The following SERPINB3 variants were observed in gnomAD, a reference collection of about 807,000 sequenced individuals.
The protein encoded by SERPINB3 is serpin B3.
In SERPINB3, 33 loss-of-function variants were observed where a neutral mutation model predicts 33.0. The observed-to-expected ratio is 1.00, with a 90% CI of 0.76 to 1.34. The LOEUF (loss-of-function observed/expected upper bound fraction) is 1.34. Among genes scored for constraint, SERPINB3 ranks in the 40% most tolerant of loss-of-function variants. The probability of loss-of-function intolerance (pLI) is 0.00; values close to 1 mark genes in which losing one functional copy is unlikely to be tolerated. For synonymous variants in SERPINB3, 200 were observed against 170.9 expected (o/e 1.17, Z -1.33); for missense variants, 518 against 461.5 (o/e 1.12, Z -1.12).
chr18:63,657,031 G>C, intron 6 of SERPINB3, 45 bp from the exon 7 acceptor site: 1 of 1,502,554 alleles, frequency 6.7e-7, no homozygotes, highest in Non-Finnish European at 9.1e-7. Context: ...TGAGACACAA[G>C]GCAAAAAGAT....
At position 63,656,891 on chromosome 18, in the gene SERPINB3, G is replaced by C. The variant is rs760152632; in HGVS notation, c.708C>G (p.Tyr236Ter). The C allele has an allele frequency of 6.2e-6, 10 of 1,613,514 alleles. No individual in the cohort carries two copies. In the East Asian group the frequency reaches 1.1e-4, roughly 18 times the overall value. The change falls in exon 7 of 8, where the codon TAC becomes TAG. Residue 236 changes from tyrosine (Y) to a stop codon, truncating the protein, a stop_gained. Coordinates refer to ENST00000283752, the MANE Select transcript of SERPINB3 (RefSeq NM_006919.3). LOFTEE classifies it high-confidence loss of function. Reference protein sequence around the residue: ...DVQAKVLEIPYKGKDLSMIVL... With the variant: ...DVQAKVLEIP Reference sequence around the variant, plus strand: ...CAATCATGCTTAGATCTTTGCCTTTGTATGGTATTTCCAGGACCTTGGCCT... The same window carrying C: ...CAATCATGCTTAGATCTTTGCCTTTCTATGGTATTTCCAGGACCTTGGCCT...
chr18:63,658,103 T>A (rs1366602105), intron 5 of SERPINB3, among the ~76,000 whole-genome samples: 3 of 152,086 alleles, frequency 2.0e-5, no homozygotes. Flanking sequence ...AAAGGGTGAT[T>A]TACCAGAGAG....
chr18:63,656,977 T>G lies in SERPINB3; in HGVS notation c.622A>C (p.Lys208Gln). 6.2e-7 allele frequency: 1 copy of G among 1,605,600 alleles called. No individual in the cohort carries two copies. The highest frequency in any genetic ancestry group is 8.5e-7 in the Non-Finnish European group (1 of 1,174,636). The change falls in exon 7 of 8, where the codon AAG (lysine) becomes CAG (glutamine). Residue 208 changes from lysine to glutamine, a missense_variant. Physicochemically the swap from Lys to Gln is moderately conservative, Grantham distance 53 (BLOSUM62 1). Coordinates refer to ENST00000283752, the MANE Select transcript of SERPINB3 (RefSeq NM_006919.3). ...TATTGCCTCATCATCTGTATGGACT[T>G]GTATGTATTCTACAATAAATCAATG... is the stretch of plus-strand genomic sequence containing the variant. ...EKFWPNKNTY[K>Q]SIQMMRQYTS...
In SERPINB3 at chr18:63,655,424, T is replaced by C. The variant is rs1913465768; in HGVS notation, c.*233A>G. 6.4e-6 allele frequency: 3 copies of C among 470,482 alleles called. No homozygotes were observed. In the South Asian group the frequency reaches 1.4e-4, roughly 22 times the overall value. 29.1% of individuals were successfully genotyped at this position (470,482 alleles called of 1,614,324 possible). ...TAAGTGATTCATCTTATTTTGGACA[T>C]TTTTCCTCAAGGAGAATTTTTCTGG... On this transcript the variant is annotated 3_prime_UTR_variant, in exon 8 of 8. Transcript: ENST00000283752.
chr18:63,658,067 T>G (rs911146147), intron 5 of SERPINB3, among the ~76,000 whole-genome samples: 1 of 152,094 alleles, frequency 6.6e-6, no homozygotes, highest in Non-Finnish European at 1.5e-5. Context: ...AGAGATGTGA[T>G]CCAGGCAGCT....
chr18:63,661,336 G>C, intron 1 of SERPINB3, 94 bp from the exon 2 acceptor site: 2 of 1,363,674 alleles, frequency 1.5e-6, no homozygotes, highest in Non-Finnish European at 2.0e-6. Flanking sequence ...TATCTGTGTT[G>C]TGAGATTTTG....
rs575948260 is a variant in SERPINB3, at chr18:63,657,264, C to A, written c.612+6G>T. ...TTACATTATATAAATAAAATATAGA[C>A]AATACCTTGTTTGGCCAAAATTTTT... On this transcript the variant is annotated splice_donor_region_variant and intron_variant, in intron 6 of 7. Coordinates refer to ENST00000283752, the MANE Select transcript of SERPINB3 (RefSeq NM_006919.3). The A allele has an allele frequency of 7.0e-7, 1 of 1,435,186 alleles. No homozygotes were observed. Among genetic ancestry groups the A allele is most frequent in the Non-Finnish European group, 9.7e-7 (1 of 1,031,234 alleles). 88.9% of individuals were successfully genotyped at this position (1,435,186 alleles called of 1,614,324 possible).
Position 63,655,873 on chromosome 18 carries a change from C to T in SERPINB3, c.957G>A (p.Gly319=). The part of the protein sequence containing the change: ...NGDADLSGMT[G]SRGLVLSGVL... ...CTCCAGATAGCACGAGACCGCGGCT[C>T]CCGGTCATGCCTGAGAGGTCTGCAT... is the stretch of plus-strand genomic sequence containing the variant. The change falls in exon 8 of 8, where the codon GGG becomes GGA. Residue 319 remains glycine (G), a synonymous_variant. Coordinates refer to ENST00000283752, the MANE Select transcript of SERPINB3 (RefSeq NM_006919.3). 2.5e-6 allele frequency: 4 copies of T among 1,613,990 alleles called. No homozygotes were observed. Among genetic ancestry groups the T allele is most frequent in the Middle Eastern group, 1.7e-4 (1 of 6,058 alleles).
At chr18:63,656,384 T>A (rs1196556051) in intron 7 of SERPINB3, among the ~76,000 whole-genome samples, 1 of 152,204 alleles carries the variant, frequency 6.6e-6, no homozygotes, top group African/African-American at 2.4e-5. Flanking sequence ...ATATCACTAT[T>A]TCTTGTGCCA....
At chr18:63,656,172 C>G (rs1468697216) in intron 7 of SERPINB3, 111 bp from the exon 8 acceptor site, 2 of 1,275,776 alleles carry the variant, frequency 1.6e-6, no homozygotes, top group Non-Finnish European at 2.1e-6. Flanking sequence ...ATGTGAAATA[C>G]AGAAGGTTCA....
chr18:63,655,778 C>T lies in SERPINB3; in HGVS notation c.1052G>A (p.Gly351Glu), dbSNP rs3180227. ...AEAAAATAVV[G>E]FGSSPTSTNE... ...AGTTGAAGTAGGTGATGATCCGAAT[C>T]CTACTACAGCGGTGGCAGCTGCAGC... Residue 351 changes from glycine to glutamate, a missense_variant, in exon 8 of 8, where the codon GGA becomes GAA. Physicochemically the swap from Gly to Glu is moderately conservative, Grantham distance 98 (BLOSUM62 -2). Transcript: ENST00000283752. 2 of 1,601,180 alleles carry T rather than the reference C, an allele frequency of 1.2e-6. No homozygotes were observed. The highest frequency in any genetic ancestry group is 1.1e-5 in the South Asian group (1 of 91,060).
rs144394860 is a variant in SERPINB3, at chr18:63,656,894, T to C, written c.705A>G (p.Pro235=). ...EDVQAKVLEI[P]YKGKDLSMIV... ...TCATGCTTAGATCTTTGCCTTTGTA[T>C]GGTATTTCCAGGACCTTGGCCTGTA... Residue 235 remains proline (P), a synonymous_variant, in exon 7 of 8, where the codon CCA becomes CCG. Coordinates refer to ENST00000283752, the MANE Select transcript of SERPINB3 (RefSeq NM_006919.3). The C allele has an allele frequency of 1.6e-4, 266 of 1,613,624 alleles. 1 individual carries two copies. The African/African-American group carries it at 3.2e-3, about 19-fold the overall frequency.
In SERPINB3 at chr18:63,656,846, G is replaced by T. The variant is rs143869105; in HGVS notation, c.753C>A (p.Ile251=). 6.2e-7 allele frequency: 1 copy of T among 1,609,802 alleles called. No individual in the cohort carries two copies. The stretch of plus-strand genomic sequence containing the variant: ...AAGTTCTTACCTTCTGGAGACCATC[G>T]ATTTCATTTGGCAGCAACACAATCA... The part of the protein sequence containing the change: ...LSMIVLLPNE[I]DGLQKLEEKL... Residue 251 remains isoleucine (I), a synonymous_variant, in exon 7 of 8, where the codon ATC becomes ATA. Coordinates refer to ENST00000283752, the MANE Select transcript of SERPINB3 (RefSeq NM_006919.3).
intron 5 of SERPINB3, among the ~76,000 whole-genome samples, chr18:63,657,623 T>G (rs757042570): frequency 5.3e-5 from 8 of 152,096 alleles, no homozygotes; most frequent in Admixed American, 3.9e-4. Flanking sequence ...AAGTTGCCCT[T>G]AATGGAGACA....
rs775420130 is a variant in SERPINB3, at chr18:63,659,434, T to C, written c.316A>G (p.Lys106Glu). ...TDAYELKIAN[K>E]LFGEKTYLFL... Reference sequence around the variant, plus strand: ...AGATACGTTTTTTCTCCGAAGAGCTTGTTGGCGATCTTCAGCTCATATGCA... The same window carrying C: ...AGATACGTTTTTTCTCCGAAGAGCTCGTTGGCGATCTTCAGCTCATATGCA... The change falls in exon 4 of 8, where the codon AAG (lysine) becomes GAG (glutamate). Residue 106 changes from lysine to glutamate, a missense_variant. Lys to Glu is a moderately conservative substitution (Grantham distance 56). Transcript: ENST00000283752. The C allele has an allele frequency of 8.7e-6, 14 of 1,613,474 alleles. No individual in the cohort carries two copies. The South Asian group carries it at 1.3e-4, about 15-fold the overall frequency.
In SERPINB3 at chr18:63,656,990, C is replaced by A. The variant is rs757663889; in HGVS notation, c.613-4G>T. ...TCTGTATGGACTTGTATGTATTCTACAATAAATCAATGTGTCCAACAAATA... is the reference window on the plus strand; with the variant it reads ...TCTGTATGGACTTGTATGTATTCTAAAATAAATCAATGTGTCCAACAAATA... On this transcript the variant is annotated splice_polypyrimidine_tract_variant and splice_region_variant and intron_variant, in intron 6 of 7. Transcript: ENST00000283752. The A allele has an allele frequency of 6.3e-7, 1 of 1,595,842 alleles. No homozygotes were observed. Among genetic ancestry groups the A allele is most frequent in the South Asian group, 1.1e-5 (1 of 88,272 alleles).
At position 63,655,419 on chromosome 18, in the gene SERPINB3, G is replaced by C; in HGVS notation, c.*238C>G. 1 of 463,042 alleles carries C rather than the reference G, an allele frequency of 2.2e-6. No homozygotes were observed. The highest frequency in any genetic ancestry group is 3.8e-6 in the Non-Finnish European group (1 of 264,526). 28.7% of individuals were successfully genotyped at this position (463,042 alleles called of 1,614,324 possible). A position where few individuals can be genotyped will look rare whatever the true frequency, so the allele number is the denominator to read the frequency against. On this transcript the variant is annotated 3_prime_UTR_variant, in exon 8 of 8. Coordinates refer to ENST00000283752, the MANE Select transcript of SERPINB3 (RefSeq NM_006919.3). ...GGTATTAAGTGATTCATCTTATTTT[G>C]GACATTTTTCCTCAAGGAGAATTTT... is the stretch of plus-strand genomic sequence containing the variant.
intron 5 of SERPINB3, 131 bp from the exon 6 acceptor site, chr18:63,657,543 T>A: frequency 1.3e-6 from 1 of 743,882 alleles, no homozygotes; most frequent in South Asian, 2.8e-5. Context: ...CTGACTTTGA[T>A]CTTTGAATTG....
Position 63,656,948 on chromosome 18 carries a change from T to C in SERPINB3, c.651A>G (p.Thr217=). The C allele has an allele frequency of 6.2e-7, 1 of 1,613,298 alleles. No homozygotes were observed. The highest frequency in any genetic ancestry group is 1.1e-5 in the South Asian group (1 of 90,996). Residue 217 remains threonine, a synonymous_variant, in exon 7 of 8, where the codon ACA becomes ACG. Transcript: ENST00000283752. Reference sequence around the variant, plus strand: ...CCTCCAGCGAGGCAAAATGAAAAGATGTGTATTGCCTCATCATCTGTATGG... The same window carrying C: ...CCTCCAGCGAGGCAAAATGAAAAGACGTGTATTGCCTCATCATCTGTATGG... ...YKSIQMMRQY[T]SFHFASLEDV...
Sources: gnomAD v4.1 joint callset for allele counts (sites outside exome capture counted in the v4.1 genomes callset) on GRCh38, gnomAD v4.1.1 for gene constraint, MANE v1.5 for transcripts, NCBI Gene and HGNC (gene_info 2026-07-23, HGNC 2026-07-21) for gene names.